Variants in TMED3 observed in about 807,000 individuals in gnomAD.
TMED3 encodes the protein transmembrane emp24 domain-containing protein 3.
Under a neutral mutation model 15.0 loss-of-function variants are expected in TMED3, and 9 were observed. That is an observed-to-expected ratio of 0.60 (90% CI 0.36 to 1.04). TMED3 has a LOEUF of 1.04. Ranked by LOEUF, TMED3 falls within the 50% of genes least tolerant of loss-of-function variation. The probability of loss-of-function intolerance (pLI) is 0.01; values close to 1 mark genes in which losing one functional copy is unlikely to be tolerated. For missense variants in TMED3, 267 were observed against 278.9 expected (o/e 0.96, Z 0.30); for synonymous variants, 117 against 121.4 (o/e 0.96, Z 0.24).
chr15:79,397,828 A>G (rs1481341193), intron 2 of TMED3, among the ~76,000 whole-genome samples: 1 of 152,208 alleles, frequency 6.6e-6, no homozygotes. Flanking sequence ...TAATAGAGCC[A>G]ATTTTTTAGA....
At chr15:79,329,314 A>G (rs1201903983) in intron 2 of TMED3, among the ~76,000 whole-genome samples, 2 of 152,318 alleles carry the variant, frequency 1.3e-5, no homozygotes, top group East Asian at 3.9e-4. Flanking sequence ...GATACAACAA[A>G]TGGATACAAA....
chr15:79,358,118 G>A (rs1301423280), intron 2 of TMED3, among the ~76,000 whole-genome samples: 1 of 152,232 alleles, frequency 6.6e-6, no homozygotes, highest in Non-Finnish European at 1.5e-5. Flanking sequence ...GAAGACCAGA[G>A]TATGGAGGTC....
intron 2 of TMED3, among the ~76,000 whole-genome samples, chr15:79,393,711 T>A (rs182946935): frequency 6.6e-6 from 1 of 152,336 alleles, no homozygotes; most frequent in East Asian, 1.9e-4. Context: ...AATTTTGTTT[T>A]TTATGACAGG....
rs374106484 is a variant in TMED3 at position 79,311,344 on chromosome 15, A to G, written c.95A>G (p.Glu32Gly). Residue 32 changes from glutamate to glycine, a missense_variant, in exon 1 of 3, where the codon GAG (glutamate) becomes GGG (glycine). Glu to Gly is a moderately conservative substitution (Grantham distance 98). Coordinates refer to ENST00000299705, the MANE Select transcript of TMED3 (RefSeq NM_007364.4). ...CCCTGCGGGGCCGAGCTCACCTTCG[A>G]GCTGCCGGACAACGCCAAGCAGTGC... ...EQPCGAELTF[E>G]LPDNAKQCFH... is the part of the protein sequence containing the mutation. The G allele has an allele frequency of 1.2e-6, 2 of 1,611,458 alleles. No homozygotes were observed. The highest frequency in any genetic ancestry group is 1.3e-5 in the African/African-American group (1 of 74,810).
intron 2 of TMED3, among the ~76,000 whole-genome samples, chr15:79,340,402 T>C (rs191711894): frequency 2.0e-5 from 3 of 152,250 alleles, no homozygotes. Context: ...TAGTTCAACC[T>C]CCTCAGCCCC....
At chr15:79,318,537 A>G (rs2058750674) in intron 2 of TMED3, among the ~76,000 whole-genome samples, 1 of 152,194 alleles carries the variant, frequency 6.6e-6, no homozygotes, top group South Asian at 2.1e-4. Flanking sequence ...CACCAGGGTG[A>G]TGTAAATACA....
intron 2 of TMED3, among the ~76,000 whole-genome samples, chr15:79,399,746 A>G (rs1382102352): frequency 2.0e-5 from 3 of 152,218 alleles, no homozygotes; most frequent in Admixed American, 6.5e-5. Flanking sequence ...GCCAACCTAA[A>G]TGGGCTCTGG....
intron 2 of TMED3, among the ~76,000 whole-genome samples, chr15:79,341,600 C>T (rs1416225834): frequency 5.3e-5 from 8 of 152,140 alleles, no homozygotes; most frequent in Admixed American, 5.2e-4. Context: ...TGAACAGCTG[C>T]CAAGCCCAGT....
chr15:79,376,202 C>A (rs555967106), intron 2 of TMED3, among the ~76,000 whole-genome samples: 1 of 147,372 alleles, frequency 6.8e-6, no homozygotes, highest in Non-Finnish European at 1.5e-5. Flanking sequence ...CTCCGCCTCC[C>A]GGGTTCACGC....
intron 2 of TMED3, among the ~76,000 whole-genome samples, chr15:79,329,770 C>T (rs2058801211): frequency 1.3e-5 from 2 of 152,208 alleles, no homozygotes; most frequent in South Asian, 4.1e-4. Context: ...TGCTGTCCGC[C>T]ACCCATCCAC....
intron 2 of TMED3, among the ~76,000 whole-genome samples, chr15:79,351,317 C>G (rs1258005112): frequency 6.6e-6 from 1 of 152,180 alleles, no homozygotes; most frequent in African/African-American, 2.4e-5. Context: ...CTCTGATATT[C>G]TGAGGCTTCT....
chr15:79,397,238 T>A (rs1893773391), intron 2 of TMED3, among the ~76,000 whole-genome samples: 1 of 152,256 alleles, frequency 6.6e-6, no homozygotes, highest in African/African-American at 2.4e-5. Context: ...AGAACTTCGT[T>A]CCTGGTTCAC....
chr15:79,354,702 A>G (rs920574294), intron 2 of TMED3, among the ~76,000 whole-genome samples: 2 of 152,136 alleles, frequency 1.3e-5, no homozygotes, highest in African/African-American at 4.8e-5. Context: ...CCTCAGGCCC[A>G]TCTTACCCCT....
rs571341839 is a variant in TMED3, at chr15:79,342,060, G to T, written c.417+28055G>T. Among the ~76,000 whole-genome samples, 3 of 152,110 alleles carry T rather than the reference G, an allele frequency of 2.0e-5. No individual in the cohort carries two copies. In the South Asian group the frequency reaches 6.2e-4, roughly 32 times the overall value. ...GAGAAAAACTAAAAAACGTGGATGG[G>T]GGCAGATGAAAATTATGACTAAATA... On this transcript the variant is annotated intron_variant, in intron 2 of 2. Transcript: ENST00000424155.
rs144567413 is a variant in TMED3, at chr15:79,344,888, A to G, written c.417+30883A>G. On this transcript the variant is annotated intron_variant, in intron 2 of 2. Transcript: ENST00000424155. ...AATGTTTTATAGGAGTTTAACTTTAAAGCTTTGCTGTGTTTGAGCAGTAGC... is the reference window on the plus strand; with the variant it reads ...AATGTTTTATAGGAGTTTAACTTTAGAGCTTTGCTGTGTTTGAGCAGTAGC... Among the ~76,000 whole-genome samples the G allele has an allele frequency of 3.0e-3, 453 of 152,310 alleles. 1 individual carries two copies. The highest frequency in any genetic ancestry group is 4.7e-3 in the Non-Finnish European group (320 of 68,026).
At chr15:79,353,857 T>C (rs1476416420) in intron 2 of TMED3, among the ~76,000 whole-genome samples, 2 of 152,172 alleles carry the variant, frequency 1.3e-5, no homozygotes, top group East Asian at 3.9e-4. Flanking sequence ...GATTCACACT[T>C]TGTCATATGC....
At chr15:79,404,168 G>A (rs1395937) in intron 2 of TMED3, among the ~76,000 whole-genome samples, 1 of 152,002 alleles carries the variant, frequency 6.6e-6, no homozygotes, top group East Asian at 1.9e-4. Context: ...TTTGCATGGA[G>A]AGCTGGAGGA....
intron 2 of TMED3, among the ~76,000 whole-genome samples, chr15:79,318,013 C>T (rs2058748414): frequency 1.3e-5 from 2 of 152,218 alleles, no homozygotes; most frequent in South Asian, 4.1e-4. Flanking sequence ...TTCCACCTCC[C>T]CACAGCTGCT....
At chr15:79,369,794 C>A (rs1893302636) in intron 2 of TMED3, among the ~76,000 whole-genome samples, 1 of 152,212 alleles carries the variant, frequency 6.6e-6, no homozygotes, top group Non-Finnish European at 1.5e-5. Flanking sequence ...CAAGGCCCTG[C>A]TGTGCCAGGC....
Sources: allele counts gnomAD v4.1 joint callset (sites outside exome capture counted in the v4.1 genomes callset), GRCh38; gene constraint gnomAD v4.1.1; transcripts MANE v1.5; gene names NCBI Gene and HGNC (gene_info 2026-07-23, HGNC 2026-07-21).